DCST2: variants seen among roughly 807,000 people sequenced by gnomAD.
The protein encoded by DCST2 is DC-STAMP domain containing 2, also known as DC-STAMP domain-containing protein 2.
DCST2 carries 64 observed loss-of-function variants against 81.8 expected under a neutral mutation model. The ratio of observed to expected loss-of-function variants is 0.78; its 90% confidence interval spans 0.64 to 0.96. DCST2 has a LOEUF of 0.96. Ranked by LOEUF, DCST2 falls within the 40% of genes least tolerant of loss-of-function variation. DCST2 has a pLI of 0.00. For missense variants in DCST2, 945 were observed against 1,001.4 expected, an observed-to-expected ratio of 0.94 and a Z score of 0.76; for synonymous variants, 354 against 402.6, an observed-to-expected ratio of 0.88 and a Z score of 1.44.
intron 14 of DCST2, 104 bp downstream of exon 14, chr1:155,023,013 C>T (rs1358276726): frequency 1.5e-5 from 23 of 1,505,036 alleles, no homozygotes; most frequent in Non-Finnish European, 2.0e-5. Context: ...ATGTCTGTTT[C>T]AAGCCCTGGC....
intron 5 of DCST2, 174 bp from the exon 6 acceptor site, chr1:155,030,819 T>C: frequency 1.5e-6 from 1 of 655,270 alleles, no homozygotes; most frequent in Non-Finnish European, 2.6e-6. Context: ...CACGTATCTG[T>C]GCCATCGCCA....
chr1:155,025,515 G>C (rs1290632105), intron 10 of DCST2, among the ~76,000 whole-genome samples: 1 of 151,652 alleles, frequency 6.6e-6, no homozygotes, highest in Admixed American at 6.6e-5. Flanking sequence ...TTTTAGTAGA[G>C]ATGGAGTTTC....
At chr1:155,032,150 C>G (rs1309947362) in intron 3 of DCST2, among the ~76,000 whole-genome samples, 1 of 152,056 alleles carries the variant, frequency 6.6e-6, no homozygotes, top group Non-Finnish European at 1.5e-5. Flanking sequence ...CGTGCCACCA[C>G]GCCCGGCTAA....
intron 14 of DCST2, among the ~76,000 whole-genome samples, 192 bp from the exon 15 acceptor site, chr1:155,018,952 G>C (rs1483599511): frequency 6.6e-6 from 1 of 152,166 alleles, no homozygotes; most frequent in East Asian, 1.9e-4. Context: ...GATGCTGGGG[G>C]GTGGGCAGTG....
Position 155,029,411 on chromosome 1 carries a change from G to A in DCST2, c.1178-14C>T. ...AGAAGATGGAGCCTGAGCAGGAGTG[G>A]GATGGTCAGGAGGATGCTCCCCAGT... On this transcript the variant is annotated splice_polypyrimidine_tract_variant and intron_variant, in intron 7 of 14. Coordinates refer to ENST00000368424, the MANE Select transcript of DCST2 (RefSeq NM_144622.3). The A allele has an allele frequency of 6.2e-7, 1 of 1,612,248 alleles. No individual in the cohort carries two copies. Among genetic ancestry groups the A allele is most frequent in the South Asian group, 1.1e-5 (1 of 90,916 alleles).
intron 14 of DCST2, among the ~76,000 whole-genome samples, chr1:155,022,520 C>T (rs1187729080): frequency 6.6e-6 from 1 of 152,134 alleles, no homozygotes; most frequent in Non-Finnish European, 1.5e-5. Flanking sequence ...GGTTTGAGCT[C>T]AGGAGTTTGA....
Position 155,023,209 on chromosome 1 carries a change from T to C in DCST2, c.2013A>G (p.Gln671=), listed in dbSNP as rs768064839. The change falls in exon 14 of 15, where the codon CAA becomes CAG. Residue 671 remains glutamine, a synonymous_variant. Transcript: ENST00000368424. The part of the protein sequence containing the change: ...EGPQLWLAAA[Q]RKDPEQAWLL... ...ACCATGCCTGCTCAGGGTCCTTCCT[T>C]TGAGCTGCAGCCAGCCATAGCTGAG... 72 of 1,614,186 alleles carry C rather than the reference T, an allele frequency of 4.5e-5. 1 individual carries two copies. The South Asian group carries it at 7.2e-4, about 16-fold the overall frequency.
In DCST2 at chr1:155,026,579, C is replaced by T. The variant is rs758036788; in HGVS notation, c.1479G>A (p.Ser493=). 5.0e-6 allele frequency: 8 copies of T among 1,614,020 alleles called. No individual in the cohort carries two copies. Among genetic ancestry groups the T allele is most frequent in the East Asian group, 2.2e-5 (1 of 44,896 alleles). Residue 493 remains serine, a synonymous_variant, in exon 9 of 15, where the codon TCG becomes TCA. Coordinates refer to ENST00000368424, the MANE Select transcript of DCST2 (RefSeq NM_144622.3). ...CTATGTAGCCAGTGCTGTCAGGCTC[C>T]GAGGGACGAAGGAGACAACGCCGGG... ...ILSRRCLLRP[S]EPDSTGYIVI...
rs757180720 is a variant in DCST2, at chr1:155,023,256, C to A, written c.1966G>T (p.Asp656Tyr). ...SYQGDLDLEL[D>Y]SSDEEGPQLW... The stretch of plus-strand genomic sequence containing the variant: ...TGAGGGCCCTCCTCATCGCTGGAGT[C>A]CCTGGAGAAGACTCTCATCTCAGTG... The change falls in exon 14 of 15, where the codon GAC (aspartate) becomes TAC (tyrosine). Residue 656 changes from aspartate (D) to tyrosine (Y), a missense_variant and splice_region_variant. Transcript: ENST00000368424. 1 of 1,614,092 alleles carries A rather than the reference C, an allele frequency of 6.2e-7. No individual in the cohort carries two copies. Among genetic ancestry groups the A allele is most frequent in the Non-Finnish European group, 8.5e-7 (1 of 1,180,006 alleles).
In DCST2 at chr1:155,033,278, C is replaced by A; in HGVS notation, c.269-14G>T. On this transcript the variant is annotated splice_polypyrimidine_tract_variant and intron_variant, in intron 1 of 14. Coordinates refer to ENST00000368424, the MANE Select transcript of DCST2 (RefSeq NM_144622.3). ...TCCGGCCCTGCCCTGGGGGCGACAG[C>A]TTTGTTAGAACCAAGACCCCAGCCC... The A allele has an allele frequency of 2.5e-6, 4 of 1,603,530 alleles. No homozygotes were observed. Among genetic ancestry groups the A allele is most frequent in the Non-Finnish European group, 3.4e-6 (4 of 1,175,902 alleles).
At chr1:155,023,058 G>T in intron 14 of DCST2, 59 bp downstream of exon 14, 1 of 1,566,028 alleles carries the variant, frequency 6.4e-7, no homozygotes, top group Non-Finnish European at 8.6e-7. Context: ...CTTTGCAAAT[G>T]GAACAGAACA....
chr1:155,019,531 C>T (rs903414170), intron 14 of DCST2, among the ~76,000 whole-genome samples: 1 of 152,254 alleles, frequency 6.6e-6, no homozygotes, highest in African/African-American at 2.4e-5. Context: ...CCATGGCCCC[C>T]TCTCTGAGTC....
chr1:155,030,068 T>C lies in DCST2; in HGVS notation c.1177+16A>G, dbSNP rs535978424. On this transcript the variant is annotated intron_variant, in intron 7 of 14. Transcript: ENST00000368424. Reference sequence around the variant, plus strand: ...GCCTCCCTGGCTTGGGCTCTCCCTGTCCTCAGGGCCCTCACCCGGTGGGAT... The same window carrying C: ...GCCTCCCTGGCTTGGGCTCTCCCTGCCCTCAGGGCCCTCACCCGGTGGGAT... 6.3e-5 allele frequency: 102 copies of C among 1,612,248 alleles called. 2 individuals are homozygous for C. The South Asian group carries it at 1.1e-3, about 17-fold the overall frequency.
intron 14 of DCST2, among the ~76,000 whole-genome samples, chr1:155,022,027 C>T (rs572571747): frequency 1.9e-4 from 29 of 151,924 alleles, no homozygotes; most frequent in Non-Finnish European, 3.2e-4. Flanking sequence ...CCACCAAACC[C>T]GGCTAATTTT....
chr1:155,024,537 G>C lies in DCST2; in HGVS notation c.1677C>G (p.His559Gln). The stretch of plus-strand genomic sequence containing the variant: ...CAGCCGCCCGCCGCCTCACTGATCG[G>C]TGCAGGGCAGCCAACAGATTGGTTC... ...SRRTNLLAALHRSVRRRAADQ... is the reference protein window; with the variant it reads ...SRRTNLLAALQRSVRRRAADQ... Residue 559 changes from histidine to glutamine, a missense_variant, in exon 11 of 15, where the codon CAC becomes CAG. His to Gln is a conservative substitution (Grantham distance 24). Coordinates refer to ENST00000368424, the MANE Select transcript of DCST2 (RefSeq NM_144622.3). 6.2e-7 allele frequency: 1 copy of C among 1,610,506 alleles called. No individual in the cohort carries two copies. The highest frequency in any genetic ancestry group is 8.5e-7 in the Non-Finnish European group (1 of 1,178,364).
intron 11 of DCST2, 68 bp downstream of exon 11, chr1:155,024,404 C>T: frequency 6.7e-7 from 1 of 1,493,322 alleles, no homozygotes; most frequent in Middle Eastern, 1.8e-4. Context: ...CACAGAAATC[C>T]ATTCCAACTC....
rs1042618523 is a variant in DCST2, at chr1:155,031,225, A to C, written c.749T>G (p.Val250Gly). Residue 250 changes from valine to glycine, a missense_variant, in exon 5 of 15, where the codon GTG becomes GGG. Val to Gly is a moderately radical substitution (Grantham distance 109, BLOSUM62 -3). Coordinates refer to ENST00000368424, the MANE Select transcript of DCST2 (RefSeq NM_144622.3). ...AATGTACTTAGGGATGACGCAGAAC[A>C]CCTGGACCACTGAGGGGCGGAGTCG... ...ALCGLASLVQ[V>G]FCVIPKYIQP... The C allele has an allele frequency of 7.6e-5, 121 of 1,581,736 alleles. No individual in the cohort carries two copies. Among genetic ancestry groups the C allele is most frequent in the Non-Finnish European group, 1.0e-4 (116 of 1,164,078 alleles).
chr1:155,032,595 G>T, intron 3 of DCST2, 72 bp downstream of exon 3: 1 of 1,326,694 alleles, frequency 7.5e-7, no homozygotes, highest in Non-Finnish European at 1.1e-6. Flanking sequence ...GGGATTACAG[G>T]CATGAGCCAC....
intron 5 of DCST2, 137 bp downstream of exon 5, chr1:155,031,032 G>T: frequency 2.2e-6 from 2 of 922,656 alleles, no homozygotes; most frequent in Non-Finnish European, 1.6e-6. Flanking sequence ...ATGGGCCTGG[G>T]TGATCACTTG....
Sources: gnomAD v4.1 joint callset for allele counts (sites outside exome capture counted in the v4.1 genomes callset) on GRCh38, gnomAD v4.1.1 for gene constraint, MANE v1.5 for transcripts, NCBI Gene and HGNC (gene_info 2026-07-23, HGNC 2026-07-21) for gene names.